The following ANLN variants were observed in gnomAD, a reference collection of about 807,000 sequenced individuals.
ANLN encodes anillin.
ANLN carries 59 observed loss-of-function variants against 135.1 expected under a neutral mutation model. The observed-to-expected ratio is 0.44, with a 90% CI of 0.35 to 0.54. The LOEUF is 0.54. Among genes scored for constraint, ANLN ranks in the 20% least tolerant of loss-of-function variants. The pLI, the probability that ANLN is intolerant of heterozygous loss-of-function variation, is 0.00. For missense variants in ANLN, 1,182 were observed against 1,340.0 expected (o/e 0.88, Z 1.84); for synonymous variants, 406 against 456.4 (o/e 0.89, Z 1.41).
chr7:36,447,177 C>A (rs1459056096), intron 22 of ANLN, among the ~76,000 whole-genome samples: 3 of 152,168 alleles, frequency 2.0e-5, no homozygotes, highest in African/African-American at 4.8e-5. Context: ...ACGAAACTAG[C>A]ATGAATTTCT....
intron 2 of ANLN, among the ~76,000 whole-genome samples, chr7:36,397,443 A>G (rs1356656082): frequency 6.6e-6 from 1 of 152,240 alleles, no homozygotes; most frequent in African/African-American, 2.4e-5. Flanking sequence ...ATGTTTAGGT[A>G]GAAGTTCACA....
Position 36,425,711 on chromosome 7 carries a change from C to T in ANLN, c.2719C>T (p.Pro907Ser). 6.2e-7 allele frequency: 1 copy of T among 1,610,960 alleles called. No homozygotes were observed. The highest frequency in any genetic ancestry group is 8.5e-7 in the Non-Finnish European group (1 of 1,177,692). Reference sequence around the variant, plus strand: ...CTATCTTTTCTTTTAGGCTATTACTCCAAAGCGACTCCTCACATCTATAAC... The same window carrying T: ...CTATCTTTTCTTTTAGGCTATTACTTCAAAGCGACTCCTCACATCTATAAC... ...KKTSKSKAIT[P>S]KRLLTSITTK... is the part of the protein sequence containing the mutation. The change falls in exon 18 of 24, where the codon CCA becomes TCA. Residue 907 changes from proline to serine, a missense_variant. Around this residue, in one of 3 missense-constraint regions of ANLN, gnomAD observed 1,022 missense variants for 1,134.0 expected, o/e 0.90. Coordinates refer to ENST00000265748, the MANE Select transcript of ANLN (RefSeq NM_018685.5).
At chr7:36,425,584 G>A (rs55815516) in intron 17 of ANLN, 118 bp from the exon 18 acceptor site, 1 of 496,662 alleles carries the variant, frequency 2.0e-6, no homozygotes, top group South Asian at 3.4e-5. Flanking sequence ...GTGAGCCACT[G>A]CTCCCGGCTA....
intron 5 of ANLN, among the ~76,000 whole-genome samples, chr7:36,409,268 G>T (rs1787314274): frequency 6.6e-6 from 1 of 152,166 alleles, no homozygotes; most frequent in Non-Finnish European, 1.5e-5. Context: ...ATTCTTAATG[G>T]ACTCTAGTTT....
chr7:36,411,226 G>A (rs527999659), intron 7 of ANLN, 60 bp downstream of exon 7: 11 of 1,355,180 alleles, frequency 8.1e-6, no homozygotes, highest in Non-Finnish European at 1.1e-5. Context: ...GATCTAATTT[G>A]TAGTTCTGTA....
At position 36,407,859 on chromosome 7, in the gene ANLN, T is replaced by C. The variant is rs1314190352; in HGVS notation, c.999T>C (p.Ile333=). Reference sequence around the variant, plus strand: ...TGAAAACGGGGGTATCGAAACCAATTGTGAAGTCAACTTTATCCCAGACAG... The same window carrying C: ...TGAAAACGGGGGTATCGAAACCAATCGTGAAGTCAACTTTATCCCAGACAG... ...SPLKTGVSKP[I]VKSTLSQTVP... is the part of the protein sequence containing the mutation. Residue 333 remains isoleucine (I), a synonymous_variant, in exon 5 of 24, where the codon ATT becomes ATC. Coordinates refer to ENST00000265748, the MANE Select transcript of ANLN (RefSeq NM_018685.5). 6.2e-7 allele frequency: 1 copy of C among 1,613,920 alleles called. No homozygotes were observed. Among genetic ancestry groups the C allele is most frequent in the South Asian group, 1.1e-5 (1 of 91,076 alleles).
chr7:36,417,189 T>A lies in ANLN; in HGVS notation c.1632T>A (p.Ile544=), dbSNP rs201617718. Residue 544 remains isoleucine, a splice_region_variant and synonymous_variant, in exon 9 of 24, where the codon ATT becomes ATA. Transcript: ENST00000265748. Reference sequence around the variant, plus strand: ...CAGACCCAAAGGTTGAGCAGAAAATTGGTTGGTTTTTATTCTTTATTTATT... The same window carrying A: ...CAGACCCAAAGGTTGAGCAGAAAATAGGTTGGTTTTTATTCTTTATTTATT... ...VTSDPKVEQK[I]EVIREIEMSV... 2 of 1,574,034 alleles carry A rather than the reference T, an allele frequency of 1.3e-6. No homozygotes were observed. Among genetic ancestry groups the A allele is most frequent in the Non-Finnish European group, 1.7e-6 (2 of 1,154,958 alleles).
At position 36,425,709 on chromosome 7, in the gene ANLN, C is replaced by A; in HGVS notation, c.2717C>A (p.Thr906Asn). ...KKKTSKSKAI[T>N]PKRLLTSITT... ...AGCTATCTTTTCTTTTAGGCTATTACTCCAAAGCGACTCCTCACATCTATA... is the reference window on the plus strand; with the variant it reads ...AGCTATCTTTTCTTTTAGGCTATTAATCCAAAGCGACTCCTCACATCTATA... The change falls in exon 18 of 24, where the codon ACT (threonine) becomes AAT (asparagine). Residue 906 changes from threonine (T) to asparagine (N), a missense_variant. Physicochemically the swap from Thr to Asn is moderately conservative, Grantham distance 65 (BLOSUM62 0). Transcript: ENST00000265748. 6.2e-7 allele frequency: 1 copy of A among 1,610,242 alleles called. No individual in the cohort carries two copies. Among genetic ancestry groups the A allele is most frequent in the South Asian group, 1.1e-5 (1 of 90,856 alleles).
chr7:36,410,914 C>T, intron 6 of ANLN, 145 bp from the exon 7 acceptor site: 1 of 842,086 alleles, frequency 1.2e-6, no homozygotes, highest in Admixed American at 3.2e-5. Flanking sequence ...GTCCTGAATT[C>T]CATGTGTATT....
At chr7:36,431,599 A>G (rs7806449) in intron 20 of ANLN, among the ~76,000 whole-genome samples, 20,313 of 55,258 alleles carry the variant, frequency 0.37, 2,742 homozygotes, top group East Asian at 0.5. Context: ...GTGTGTGTGT[A>G]TATATATATA....
intron 22 of ANLN, among the ~76,000 whole-genome samples, chr7:36,447,437 T>C (rs1439082576): frequency 6.7e-6 from 1 of 149,148 alleles, no homozygotes; most frequent in Non-Finnish European, 1.5e-5. Context: ...TTTTTTTTTT[T>C]TTTCTGAGAC....
At chr7:36,441,894 TGGGGAGC>T (rs1358696876) in intron 21 of ANLN, among the ~76,000 whole-genome samples, 3 of 152,148 alleles carry the variant, frequency 2.0e-5, no homozygotes, top group Non-Finnish European at 2.9e-5. Flanking sequence ...CTTTCTTCCT[TGGGGAGC>T]TGTAAGCAGT....
intron 20 of ANLN, among the ~76,000 whole-genome samples, chr7:36,436,245 C>G (rs1258823043): frequency 6.6e-6 from 1 of 151,998 alleles, no homozygotes. Flanking sequence ...GGCTTATTTC[C>G]CTTAGTGTAA....
At chr7:36,402,434 G>A (rs1322641019) in intron 3 of ANLN, among the ~76,000 whole-genome samples, 2 of 152,020 alleles carry the variant, frequency 1.3e-5, no homozygotes, top group Admixed American at 6.6e-5. Flanking sequence ...TATAATACTA[G>A]CCTTCTAACT....
chr7:36,406,018 T>C (rs972402214), intron 3 of ANLN, among the ~76,000 whole-genome samples, 163 bp from the exon 4 acceptor site: 11 of 152,220 alleles, frequency 7.2e-5, no homozygotes, highest in African/African-American at 2.7e-4. Context: ...AAAAAGATAT[T>C]GTCAAATTTA....
chr7:36,424,715 T>G lies in ANLN; in HGVS notation c.2682T>G (p.Asp894Glu). ...LVQKKDPSGL[D>E]KKKKTSKSKA... Reference sequence around the variant, plus strand: ...AAAAGAAAGATCCCTCAGGCCTTGATAAGAAGAAAAAAACATCCAAGTCCA... The same window carrying G: ...AAAAGAAAGATCCCTCAGGCCTTGAGAAGAAGAAAAAAACATCCAAGTCCA... Residue 894 changes from aspartate to glutamate, a missense_variant, in exon 17 of 24, where the codon GAT becomes GAG. Physicochemically the swap from Asp to Glu is conservative, Grantham distance 45 (BLOSUM62 2). Around this residue, in one of 3 missense-constraint regions of ANLN, gnomAD observed 1,022 missense variants for 1,134.0 expected, o/e 0.90. Coordinates refer to ENST00000265748, the MANE Select transcript of ANLN (RefSeq NM_018685.5). The G allele has an allele frequency of 6.2e-7, 1 of 1,612,174 alleles. No individual in the cohort carries two copies. The highest frequency in any genetic ancestry group is 8.5e-7 in the Non-Finnish European group (1 of 1,179,232).
At chr7:36,412,660 A>G (rs893858180) in intron 7 of ANLN, among the ~76,000 whole-genome samples, 4 of 152,092 alleles carry the variant, frequency 2.6e-5, no homozygotes, top group African/African-American at 9.7e-5. Flanking sequence ...ATATTCATGT[A>G]TTCACTTGCT....
rs1031968070 is a variant in ANLN at position 36,411,003 on chromosome 7, T to G, written c.1288-56T>G. ...AAACAAGGAAAATTTTAGTAGTGTT[T>G]GGATGTTAAACATGCTACCGGCTCT... On this transcript the variant is annotated intron_variant, in intron 6 of 23. Transcript: ENST00000265748. 2.7e-6 allele frequency: 4 copies of G among 1,476,290 alleles called. No individual in the cohort carries two copies. The East Asian group carries it at 9.2e-5, about 34-fold the overall frequency. The allele number at this position is 1,476,290 out of a possible 1,614,324, so 91.4% of individuals were successfully genotyped here. A position where few individuals can be genotyped will look rare whatever the true frequency, so the allele number is the denominator to read the frequency against.
chr7:36,418,533 C>T (rs542112739), intron 9 of ANLN, among the ~76,000 whole-genome samples: 12 of 152,304 alleles, frequency 7.9e-5, no homozygotes, highest in South Asian at 4.1e-4. Context: ...AGGTTATTAT[C>T]GAACCCTGCC....
Sources: allele counts gnomAD v4.1 joint callset (sites outside exome capture counted in the v4.1 genomes callset), GRCh38; gene constraint gnomAD v4.1.1; regional missense constraint gnomAD v4.1.1; transcripts MANE v1.5; gene names NCBI Gene and HGNC (gene_info 2026-07-23, HGNC 2026-07-21).